Variants in STAG1 observed in about 807,000 individuals in gnomAD.
STAG1 encodes cohesin subunit SA-1.
STAG1 carries 26 observed loss-of-function variants against 170.9 expected under a neutral mutation model. The observed-to-expected ratio is 0.15, with a 90% confidence interval of 0.11 to 0.21. The LOEUF is 0.21. Among genes scored for constraint, STAG1 ranks in the 10% least tolerant of loss-of-function variants. STAG1 has a pLI of 1.00. For missense variants in STAG1, 964 were observed against 1,509.5 expected, an observed-to-expected ratio of 0.64 and a Z score of 5.99; for synonymous variants, 514 against 497.7, an observed-to-expected ratio of 1.03 and a Z score of -0.44.
intron 23 of STAG1, 25 bp downstream of exon 23, chr3:136,377,635 A>C (rs770675059): frequency 6.3e-7 from 1 of 1,575,002 alleles, no homozygotes; most frequent in Non-Finnish European, 8.7e-7. Context: ...GATTTTATTG[A>C]GAGCTCTTAC....
At chr3:136,659,361 C>A (rs1298959889) in intron 1 of STAG1, among the ~76,000 whole-genome samples, 1 of 152,188 alleles carries the variant, frequency 6.6e-6, no homozygotes, top group Non-Finnish European at 1.5e-5. Flanking sequence ...AGAGCTTTAA[C>A]AGGATTCCTT....
At chr3:136,596,152 C>T (rs1299894067) in intron 4 of STAG1, among the ~76,000 whole-genome samples, 2 of 152,192 alleles carry the variant, frequency 1.3e-5, no homozygotes, top group East Asian at 1.9e-4. Context: ...GAGAGGACTT[C>T]CTCCAATTTT....
At chr3:136,444,363 C>T (rs2088716831) in intron 14 of STAG1, among the ~76,000 whole-genome samples, 1 of 152,188 alleles carries the variant, frequency 6.6e-6, no homozygotes, top group Non-Finnish European at 1.5e-5. Context: ...TGTGTGCCAC[C>T]ATGCTGGGCC....
chr3:136,430,909 C>CTT (rs35271419), intron 16 of STAG1, among the ~76,000 whole-genome samples: 5 of 140,486 alleles, frequency 3.6e-5, no homozygotes, highest in Admixed American at 7.2e-5. Context: ...TACATTCTTC[C>CTT]TTTTTTTTTT....
At chr3:136,366,823 T>C (rs1937090446) in intron 25 of STAG1, 120 bp downstream of exon 25, 1 of 730,796 alleles carries the variant, frequency 1.4e-6, no homozygotes, top group African/African-American at 1.8e-5. Flanking sequence ...AACTTTATCA[T>C]AAAATCATCC....
At chr3:136,656,667 G>C (rs1265144535) in intron 1 of STAG1, among the ~76,000 whole-genome samples, 3 of 123,390 alleles carry the variant, frequency 2.4e-5, no homozygotes, top group Non-Finnish European at 5.0e-5. Flanking sequence ...TGGAGAAAAG[G>C]AGAATGAGTG....
At position 136,371,340 on chromosome 3, in the gene STAG1, G is replaced by A. The variant is rs1371064240; in HGVS notation, c.2371-2058C>T. 4.6e-5 allele frequency among the ~76,000 whole-genome samples: 7 copies of A among 151,944 alleles called. No homozygotes were observed. In the South Asian group the frequency reaches 1.2e-3, roughly 27 times the overall value. Reference sequence around the variant, plus strand: ...CTCTGATGGTAGTTTCTTTTGCTGTGCAGAAGCTCTTTAGTTTAATTAGAT... The same window carrying A: ...CTCTGATGGTAGTTTCTTTTGCTGTACAGAAGCTCTTTAGTTTAATTAGAT... On this transcript the variant is annotated intron_variant, in intron 23 of 33. Transcript: ENST00000383202.
intron 14 of STAG1, among the ~76,000 whole-genome samples, chr3:136,450,445 G>C (rs892386366): frequency 1.3e-5 from 2 of 152,190 alleles, no homozygotes; most frequent in East Asian, 3.9e-4. Context: ...TCTAGTCATT[G>C]GTAACTCTCT....
At chr3:136,448,594 G>C (rs1049279638) in intron 14 of STAG1, among the ~76,000 whole-genome samples, 1 of 152,130 alleles carries the variant, frequency 6.6e-6, no homozygotes, top group African/African-American at 2.4e-5. Context: ...ATTCAAGATG[G>C]GATGTGGGTG....
intron 1 of STAG1, among the ~76,000 whole-genome samples, chr3:136,694,443 G>GT (rs1553767466): frequency 6.6e-6 from 1 of 151,722 alleles, no homozygotes; most frequent in Non-Finnish European, 1.5e-5. Context: ...TAGTGAGACC[G>GT]TGTCTCAACA....
chr3:136,640,968 C>T (rs555441485), intron 1 of STAG1, among the ~76,000 whole-genome samples: 2 of 152,346 alleles, frequency 1.3e-5, no homozygotes, highest in Admixed American at 6.5e-5. Flanking sequence ...AGCCACTGCG[C>T]CCGGCCCCAT....
At chr3:136,694,353 T>C (rs1942814555) in intron 1 of STAG1, among the ~76,000 whole-genome samples, 3 of 152,064 alleles carry the variant, frequency 2.0e-5, no homozygotes, top group Non-Finnish European at 2.9e-5. Context: ...CAATAACTCA[T>C]GCCTGTAATC....
chr3:136,596,395 T>C (rs1938430078), intron 4 of STAG1, among the ~76,000 whole-genome samples: 1 of 152,200 alleles, frequency 6.6e-6, no homozygotes, highest in Non-Finnish European at 1.5e-5. Flanking sequence ...ATAGTATTTT[T>C]AATTAAGGTA....
intron 22 of STAG1, among the ~76,000 whole-genome samples, chr3:136,387,479 T>A (rs976671385): frequency 1.2e-4 from 18 of 152,120 alleles, no homozygotes; most frequent in Non-Finnish European, 2.4e-4. Flanking sequence ...ATACTATATA[T>A]AAAACAGAAC....
intron 1 of STAG1, among the ~76,000 whole-genome samples, chr3:136,723,975 A>AGGT (rs1933497528): frequency 6.8e-6 from 1 of 146,130 alleles, no homozygotes; most frequent in African/African-American, 2.6e-5. Context: ...ACCAGGAGGG[A>AGGT]GGTGGGGGGG....
chr3:136,621,992 GA>G (rs11360539), intron 3 of STAG1, among the ~76,000 whole-genome samples: 39,434 of 121,414 alleles, frequency 0.32, 6,208 homozygotes, highest in Non-Finnish European at 0.41. Flanking sequence ...TGGTGGTGTG[GA>G]AAAAAAAAAA....
chr3:136,679,094 G>A (rs1942245614), intron 1 of STAG1, among the ~76,000 whole-genome samples: 1 of 151,550 alleles, frequency 6.6e-6, no homozygotes, highest in African/African-American at 2.4e-5. Flanking sequence ...GAGACATAAT[G>A]TTACACCTAT....
At chr3:136,388,047 T>C (rs1056729008) in intron 22 of STAG1, among the ~76,000 whole-genome samples, 3 of 152,186 alleles carry the variant, frequency 2.0e-5, no homozygotes, top group African/African-American at 7.2e-5. Flanking sequence ...CCTCAGGCAA[T>C]AGTTCAATAG....
intron 1 of STAG1, among the ~76,000 whole-genome samples, chr3:136,720,826 GATGTACAAA>G (rs1933216825): frequency 6.6e-6 from 1 of 151,904 alleles, no homozygotes; most frequent in African/African-American, 2.4e-5. Context: ...GAAATCTGTG[GATGTACAAA>G]ATGTCCCCCC....
Sources: allele counts gnomAD v4.1 joint callset (sites outside exome capture counted in the v4.1 genomes callset), GRCh38; gene constraint gnomAD v4.1.1; transcripts MANE v1.5; gene names NCBI Gene and HGNC (gene_info 2026-07-23, HGNC 2026-07-21).